Variants in P2RX7 observed in about 807,000 individuals in gnomAD.
P2RX7 encodes the protein P2X purinoceptor 7.
P2RX7 carries 62 observed loss-of-function variants against 71.6 expected under a neutral mutation model. The observed-to-expected ratio is 0.87, with a 90% CI of 0.71 to 1.07. P2RX7 has a LOEUF of 1.07. Among genes scored for constraint, P2RX7 ranks in the 50% least tolerant of loss-of-function variants. The pLI is 0.00. For missense variants in P2RX7, 686 were observed against 748.5 expected (o/e 0.92, Z 0.97); for synonymous variants, 299 against 283.3 (o/e 1.06, Z -0.56).
At chr12:121,143,467 T>C (rs1359779852) in intron 1 of P2RX7, among the ~76,000 whole-genome samples, 2 of 151,630 alleles carry the variant, frequency 1.3e-5, no homozygotes, top group Non-Finnish European at 2.9e-5. Flanking sequence ...GGTGGGAGGA[T>C]TGCTTGATCC....
intron 3 of P2RX7, among the ~76,000 whole-genome samples, chr12:121,159,246 G>A (rs1310644395): frequency 1.3e-5 from 2 of 151,770 alleles, no homozygotes; most frequent in Non-Finnish European, 1.5e-5. Context: ...GGGAAACACC[G>A]TCTCTACTAA....
intron 1 of P2RX7, among the ~76,000 whole-genome samples, chr12:121,146,925 C>T (rs1451543386): frequency 1.3e-5 from 2 of 152,126 alleles, no homozygotes; most frequent in East Asian, 3.9e-4. Flanking sequence ...CAAGAAAAAG[C>T]AATAAAAGGC....
rs201293300 is a variant in P2RX7 at position 121,175,396 on chromosome 12, A to T, written c.890A>T (p.Lys297Met). The T allele has an allele frequency of 5.6e-6, 9 of 1,602,956 alleles. No individual in the cohort carries two copies. The highest frequency in any genetic ancestry group is 1.7e-5 in the Admixed American group (1 of 59,990). The change falls in exon 9 of 13, where the codon AAG becomes ATG. Residue 297 changes from lysine to methionine, a missense_variant. Coordinates refer to ENST00000328963, the MANE Select transcript of P2RX7 (RefSeq NM_002562.6). ...LYPGYNFRYA[K>M]YYKENNVEKR... ...TCCTTTTCTTCCTACAGATACGCCAAGTACTACAAGGAAAACAATGTTGAG... is the reference window on the plus strand; with the variant it reads ...TCCTTTTCTTCCTACAGATACGCCATGTACTACAAGGAAAACAATGTTGAG...
chr12:121,166,213 T>C, intron 7 of P2RX7, 26 bp downstream of exon 7: 1 of 1,605,434 alleles, frequency 6.2e-7, no homozygotes, highest in Non-Finnish European at 8.5e-7. Flanking sequence ...TACACTGGGA[T>C]GTGGGGCTGT....
At chr12:121,136,430 C>T (rs961058150) in intron 1 of P2RX7, among the ~76,000 whole-genome samples, 3 of 151,712 alleles carry the variant, frequency 2.0e-5, no homozygotes, top group East Asian at 3.9e-4. Context: ...GTGATCCTCC[C>T]GCCTCATCCT....
chr12:121,140,845 G>A (rs918567462), intron 1 of P2RX7, among the ~76,000 whole-genome samples: 6 of 152,172 alleles, frequency 3.9e-5, no homozygotes, highest in African/African-American at 1.4e-4. Context: ...CCCAACACTG[G>A]GAGGCTGAAG....
Position 121,149,238 on chromosome 12 carries a change from C to T in P2RX7, c.126-5547C>T, listed in dbSNP as rs187332029. ...GCAAGCAGCCTCAGGGTCCCATGGG[C>T]CCAACCTCACCCTCCATCCTTATTT... is the stretch of plus-strand genomic sequence containing the variant. On this transcript the variant is annotated intron_variant, in intron 1 of 12. Coordinates refer to ENST00000328963, the MANE Select transcript of P2RX7 (RefSeq NM_002562.6). The surrounding 1 kb of genome is among the most constrained non-coding windows in gnomAD (Gnocchi z 4.7). 63 of 315,460 alleles carry T rather than the reference C, an allele frequency of 2.0e-4. No homozygotes were observed. Among genetic ancestry groups the T allele is most frequent in the Non-Finnish European group, 3.2e-4 (52 of 160,508 alleles). The allele number at this position is 315,460 out of a possible 1,614,324, so 19.5% of individuals were successfully genotyped here.
At chr12:121,174,397 G>C (rs1882739955) in intron 8 of P2RX7, among the ~76,000 whole-genome samples, 1 of 152,034 alleles carries the variant, frequency 6.6e-6, no homozygotes, top group Non-Finnish European at 1.5e-5. Flanking sequence ...CACGCTTGTA[G>C]TCCCACCCAG....
rs571673827 is a variant in P2RX7, at chr12:121,148,246, A to G, written c.126-6539A>G. On this transcript the variant is annotated intron_variant, in intron 1 of 12. Coordinates refer to ENST00000328963, the MANE Select transcript of P2RX7 (RefSeq NM_002562.6). The stretch of plus-strand genomic sequence containing the variant: ...TTTATTTATTTTGAGACAGAGTCTC[A>G]CTCTGTCACCCAGGCTGGAGTGCAA... 2.2e-3 allele frequency among the ~76,000 whole-genome samples: 338 copies of G among 150,272 alleles called. 2 individuals carry two copies. The highest frequency in any genetic ancestry group is 7.7e-3 in the African/African-American group (316 of 40,894).
intron 5 of P2RX7, among the ~76,000 whole-genome samples, chr12:121,164,137 T>C (rs1211414492): frequency 6.6e-6 from 1 of 152,188 alleles, no homozygotes; most frequent in African/African-American, 2.4e-5. Flanking sequence ...AGCTCTGCTA[T>C]CAACTCACTC....
At chr12:121,172,160 C>A (rs1388850999) in intron 8 of P2RX7, among the ~76,000 whole-genome samples, 1 of 151,984 alleles carries the variant, frequency 6.6e-6, no homozygotes, top group East Asian at 1.9e-4. Flanking sequence ...TGCGCCCAGC[C>A]ATCACCCCAA....
chr12:121,175,104 G>A (rs1882844000), intron 8 of P2RX7, among the ~76,000 whole-genome samples: 1 of 151,992 alleles, frequency 6.6e-6, no homozygotes, highest in Non-Finnish European at 1.5e-5. Flanking sequence ...GAGCTCAGGA[G>A]TTCGAGACCA....
intron 8 of P2RX7, among the ~76,000 whole-genome samples, chr12:121,174,046 TTC>T (rs66466861): frequency 0.18 from 20,144 of 112,642 alleles, 1,537 homozygotes; most frequent in Non-Finnish European, 0.22. Context: ...TTCTTTTCTT[TTC>T]TTTTTTTTTT....
Position 121,161,439 on chromosome 12 carries a change from A to G in P2RX7, c.436+465A>G, listed in dbSNP as rs964409205. ...TGATTTTGATTTTGATTTTATTTAT[A>G]TCTAAGTGCAGTGCTATTGCGATAC... On this transcript the variant is annotated intron_variant, in intron 4 of 12. Coordinates refer to ENST00000328963, the MANE Select transcript of P2RX7 (RefSeq NM_002562.6). Among the ~76,000 whole-genome samples, 7 of 152,180 alleles carry G rather than the reference A, an allele frequency of 4.6e-5. No individual in the cohort carries two copies. In the South Asian group the frequency reaches 8.3e-4, roughly 18 times the overall value.
intron 9 of P2RX7, among the ~76,000 whole-genome samples, chr12:121,176,766 A>C (rs957138272): frequency 1.2e-4 from 18 of 151,754 alleles, no homozygotes; most frequent in African/African-American, 4.1e-4. Context: ...AAAAAAAAAA[A>C]AAAAAACCCA....
At chr12:121,162,550 G>C in intron 5 of P2RX7, 30 bp downstream of exon 5, 1 of 1,607,012 alleles carries the variant, frequency 6.2e-7, no homozygotes, top group Non-Finnish European at 8.5e-7. Context: ...AGACACAGTG[G>C]CCCTCAGCGG....
At position 121,154,459 on chromosome 12, in the gene P2RX7, A is replaced by G. The variant is rs1878156916; in HGVS notation, c.126-326A>G. 6.6e-6 allele frequency among the ~76,000 whole-genome samples: 1 copy of G among 152,154 alleles called. No homozygotes were observed. The highest frequency in any genetic ancestry group is 1.5e-5 in the Non-Finnish European group (1 of 68,032). On this transcript the variant is annotated intron_variant, in intron 1 of 12. Coordinates refer to ENST00000328963, the MANE Select transcript of P2RX7 (RefSeq NM_002562.6). The surrounding 1 kb of genome is among the most constrained non-coding windows in gnomAD (Gnocchi z 4.2). Reference sequence around the variant, plus strand: ...GAACCCACCGGGGCGAGACTTTATGACTTGAGAAGCTGTCCTATCTATGAG... The same window carrying G: ...GAACCCACCGGGGCGAGACTTTATGGCTTGAGAAGCTGTCCTATCTATGAG...
At chr12:121,169,033 A>G (rs949886390) in intron 8 of P2RX7, among the ~76,000 whole-genome samples, 14 of 151,924 alleles carry the variant, frequency 9.2e-5, no homozygotes, top group Middle Eastern at 3.4e-3. Context: ...GGGTGCAATT[A>G]TAGCTCACTG....
rs758438485 is a variant in P2RX7 at position 121,160,101 on chromosome 12, CT to C, written c.364-792del. ...AGAATATTTTCTTCCTTCTTTCTTTCTTTTTTTTTCCTTTCTTTCTTTCTTT... is the reference window on the plus strand; with the variant it reads ...AGAATATTTTCTTCCTTCTTTCTTTCTTTTTTTTCCTTTCTTTCTTTCTTT... On this transcript the variant is annotated intron_variant, in intron 3 of 12. Coordinates refer to ENST00000328963, the MANE Select transcript of P2RX7 (RefSeq NM_002562.6). Among the ~76,000 whole-genome samples the C allele has an allele frequency of 8.0e-5, 12 of 149,710 alleles. No homozygotes were observed. The South Asian group carries it at 1.3e-3, about 16-fold the overall frequency.
Sources: allele counts gnomAD v4.1 joint callset (sites outside exome capture counted in the v4.1 genomes callset), GRCh38; gene constraint gnomAD v4.1.1; non-coding constraint Gnocchi (gnomAD v3.1); transcripts MANE v1.5; gene names NCBI Gene and HGNC (gene_info 2026-07-23, HGNC 2026-07-21).